The following TPRG1 variants were observed in gnomAD, a reference collection of about 807,000 sequenced individuals.
The protein encoded by TPRG1 is tumor protein p63 regulated 1, also known as tumor protein p63-regulated gene 1 protein.
Under a neutral mutation model 29.3 loss-of-function variants are expected in TPRG1, and 29 were observed. The ratio of observed to expected loss-of-function variants is 0.99; its 90% CI spans 0.74 to 1.35. The LOEUF is 1.35. TPRG1 is among the 40% of genes most tolerant of loss of function. The probability of loss-of-function intolerance (pLI) is 0.00; values close to 1 mark genes in which losing one functional copy is unlikely to be tolerated. For missense variants in TPRG1, 327 were observed against 335.0 expected, an observed-to-expected ratio of 0.98 and a Z score of 0.19; for synonymous variants, 130 against 116.8, an observed-to-expected ratio of 1.11 and a Z score of -0.73.
At chr3:189,282,037 C>T (rs755342200) in intron 4 of TPRG1, among the ~76,000 whole-genome samples, 2 of 151,878 alleles carry the variant, frequency 1.3e-5, no homozygotes, top group African/African-American at 4.8e-5. Context: ...CCCACCACCA[C>T]GCTTGTCTAA....
At chr3:189,067,499 A>G (rs1415968165) in intron 4 of TPRG1, among the ~76,000 whole-genome samples, 1 of 152,152 alleles carries the variant, frequency 6.6e-6, no homozygotes, top group Non-Finnish European at 1.5e-5. Flanking sequence ...AGGACAGAGA[A>G]CCCAGAAACA....
At position 189,254,470 on chromosome 3, in the gene TPRG1, G is replaced by A. The variant is rs1051791401; in HGVS notation, c.479+15561G>A. On this transcript the variant is annotated intron_variant, in intron 4 of 5. Transcript: ENST00000345063. The stretch of plus-strand genomic sequence containing the variant: ...CAGGTAGCATGATGCCTCCAGCTTT[G>A]TTCTTTTTGCTTAGGATTGTCTTGG... Among the ~76,000 whole-genome samples, 11 of 152,198 alleles carry A rather than the reference G, an allele frequency of 7.2e-5. No homozygotes were observed. In the South Asian group the frequency reaches 2.3e-3, roughly 32 times the overall value.
intron 1 of TPRG1, among the ~76,000 whole-genome samples, chr3:189,195,681 G>A (rs1184569087): frequency 6.6e-6 from 1 of 152,206 alleles, no homozygotes; most frequent in Non-Finnish European, 1.5e-5. Flanking sequence ...GTGCCTGTGA[G>A]CACAGCTGGG....
At chr3:189,085,521 C>T (rs554122345) in intron 4 of TPRG1, among the ~76,000 whole-genome samples, 2 of 151,960 alleles carry the variant, frequency 1.3e-5, no homozygotes, top group East Asian at 3.9e-4. Context: ...CCAATGTTTG[C>T]TTCCCTAACA....
At chr3:189,158,052 C>T (rs554414709) in intron 5 of TPRG1, among the ~76,000 whole-genome samples, 10 of 152,168 alleles carry the variant, frequency 6.6e-5, no homozygotes, top group South Asian at 2.1e-4. Context: ...ACGGGGAGCA[C>T]GTTTATCAAA....
rs1358303908 is a variant in TPRG1 at position 189,122,877 on chromosome 3, G to GTT, written c.-743-4179_-743-4178insTT. Among the ~76,000 whole-genome samples the GTT allele has an allele frequency of 3.3e-5, 5 of 152,336 alleles. No homozygotes were observed. In the South Asian group the frequency reaches 1.0e-3, roughly 32 times the overall value. On this transcript the variant is annotated intron_variant, in intron 1 of 6. Transcript: ENST00000412373. Reference sequence around the variant, plus strand: ...AAAAATTGAGGCCCGGAGGAACTAAGTCAAATAGTTAGATTATCTTACTCA... The same window carrying GTT: ...AAAAATTGAGGCCCGGAGGAACTAAGTTTCAAATAGTTAGATTATCTTACTCA...
chr3:189,194,324 G>T (rs1181198225), intron 1 of TPRG1, among the ~76,000 whole-genome samples: 2 of 152,148 alleles, frequency 1.3e-5, no homozygotes, highest in African/African-American at 4.8e-5. Context: ...GAGAGACTTA[G>T]CCAAGGAGAT....
chr3:189,002,155 G>A (rs904555600), intron 2 of TPRG1, among the ~76,000 whole-genome samples: 1 of 152,192 alleles, frequency 6.6e-6, no homozygotes, highest in Non-Finnish European at 1.5e-5. Flanking sequence ...GGTATAAATT[G>A]AAGAGCCTTA....
chr3:189,252,211 A>G (rs1742392502), intron 4 of TPRG1, among the ~76,000 whole-genome samples: 1 of 152,202 alleles, frequency 6.6e-6, no homozygotes, highest in African/African-American at 2.4e-5. Context: ...GTTGGGGGTA[A>G]GGTTATAGAT....
intron 2 of TPRG1, among the ~76,000 whole-genome samples, chr3:189,213,479 A>G (rs1037784322): frequency 2.6e-4 from 40 of 152,180 alleles, no homozygotes; most frequent in African/African-American, 9.7e-4. Flanking sequence ...GTGTTCTATA[A>G]GGGCTTGACC....
Position 189,144,917 on chromosome 3 carries a change from C to T in TPRG1, c.-290-2667C>T, listed in dbSNP as rs751917572. On this transcript the variant is annotated intron_variant, in intron 3 of 6. Coordinates refer to the TPRG1 transcript ENST00000412373. ...GGTCATGTCTTACACACTGGTTTCA[C>T]GGGCAGGTGAATAAAAATGACGCTT... Among the ~76,000 whole-genome samples, 10 of 152,260 alleles carry T rather than the reference C, an allele frequency of 6.6e-5. No homozygotes were observed. In the South Asian group the frequency reaches 8.3e-4, roughly 13 times the overall value.
At chr3:189,236,881 T>C (rs1214038411) in intron 3 of TPRG1, among the ~76,000 whole-genome samples, 2 of 152,220 alleles carry the variant, frequency 1.3e-5, no homozygotes, top group Admixed American at 6.5e-5. Flanking sequence ...GTCTTTAGAC[T>C]GCACTGTGAA....
chr3:189,041,214 C>T (rs1246839100), intron 4 of TPRG1, among the ~76,000 whole-genome samples: 1 of 152,150 alleles, frequency 6.6e-6, no homozygotes, highest in African/African-American at 2.4e-5. Flanking sequence ...AAGGAGCCCA[C>T]CTCCCCCTAG....
chr3:189,267,890 T>C (rs1159491985), intron 4 of TPRG1, among the ~76,000 whole-genome samples: 1 of 152,094 alleles, frequency 6.6e-6, no homozygotes, highest in Non-Finnish European at 1.5e-5. Flanking sequence ...CAGGGAGCGG[T>C]ATGTGGGATG....
intron 1 of TPRG1, among the ~76,000 whole-genome samples, chr3:189,191,874 C>T (rs138728103): frequency 1.3e-4 from 20 of 152,292 alleles, no homozygotes; most frequent in African/African-American, 4.3e-4. Flanking sequence ...CTCTGATATT[C>T]GTCACTTACT....
chr3:189,209,964 T>C (rs1735006020), intron 2 of TPRG1, among the ~76,000 whole-genome samples: 1 of 149,162 alleles, frequency 6.7e-6, no homozygotes, highest in Non-Finnish European at 1.5e-5. Flanking sequence ...GTAAAATAAA[T>C]GTGCATTCAC....
chr3:189,016,248 G>T (rs1332526165), intron 3 of TPRG1, among the ~76,000 whole-genome samples: 1 of 152,134 alleles, frequency 6.6e-6, no homozygotes, highest in Non-Finnish European at 1.5e-5. Context: ...CTGGGTTTCA[G>T]AATTGCTTGG....
chr3:189,152,243 T>C (rs553206988), intron 5 of TPRG1, among the ~76,000 whole-genome samples: 1 of 152,176 alleles, frequency 6.6e-6, no homozygotes, highest in Non-Finnish European at 1.5e-5. Context: ...TCTGAGGCTG[T>C]TTAATTACCA....
At chr3:189,147,168 G>A (rs1578533778) in intron 3 of TPRG1, among the ~76,000 whole-genome samples, 2 of 152,202 alleles carry the variant, frequency 1.3e-5, no homozygotes, top group Admixed American at 1.3e-4. Flanking sequence ...AGGAAGAGGA[G>A]GGAAGAGTTA....
Sources: allele counts gnomAD v4.1 joint callset (sites outside exome capture counted in the v4.1 genomes callset), GRCh38; gene constraint gnomAD v4.1.1; transcripts MANE v1.5; gene names NCBI Gene and HGNC (gene_info 2026-07-23, HGNC 2026-07-21).